The following RBM19 variants were observed in gnomAD, a reference collection of about 807,000 sequenced individuals.
The protein encoded by RBM19 is RNA binding motif protein 19, also known as probable RNA-binding protein 19.
In RBM19, 94 loss-of-function variants were observed where a neutral mutation model predicts 116.8. The ratio of observed to expected loss-of-function variants is 0.80; its 90% CI spans 0.68 to 0.95. The LOEUF (loss-of-function observed/expected upper bound fraction) is 0.95, where lower values mean the gene tolerates loss of function less well. RBM19 is among the 40% of genes least tolerant of loss of function. The pLI, the probability that RBM19 is intolerant of heterozygous loss-of-function variation, is 0.00. For missense variants in RBM19, 1,161 were observed against 1,220.7 expected (o/e 0.95, Z 0.73); for synonymous variants, 475 against 494.1 (o/e 0.96, Z 0.51).
At chr12:113,928,655 G>GTGTGTGTT (rs1869342538) in intron 16 of RBM19, among the ~76,000 whole-genome samples, 1 of 150,674 alleles carries the variant, frequency 6.6e-6, no homozygotes, top group Non-Finnish European at 1.5e-5. Flanking sequence ...GTGTGTGTGT[G>GTGTGTGTT]TGTGTGTCTG....
intron 3 of RBM19, 57 bp from the exon 4 acceptor site, chr12:113,959,960 A>G: frequency 6.2e-7 from 1 of 1,613,688 alleles, no homozygotes; most frequent in Non-Finnish European, 8.5e-7. Context: ...GCTGGGAAAC[A>G]GAACTGCACT....
At chr12:113,906,657 G>A (rs543472849) in intron 21 of RBM19, among the ~76,000 whole-genome samples, 2 of 151,980 alleles carry the variant, frequency 1.3e-5, no homozygotes, top group Admixed American at 6.6e-5. Context: ...GTCGGGGCTC[G>A]GCATTTACTG....
intron 21 of RBM19, among the ~76,000 whole-genome samples, chr12:113,882,511 C>G (rs779370606): frequency 1.1e-4 from 16 of 152,240 alleles, no homozygotes; most frequent in Non-Finnish European, 1.9e-4. Context: ...GAGCTCTAGG[C>G]TCATAGTAAA....
chr12:113,845,387 C>T (rs1022638075), intron 22 of RBM19, among the ~76,000 whole-genome samples: 3 of 152,130 alleles, frequency 2.0e-5, no homozygotes, highest in Non-Finnish European at 2.9e-5. Context: ...AGGCTGTTCC[C>T]GCTTACTCTT....
intron 5 of RBM19, among the ~76,000 whole-genome samples, 195 bp downstream of exon 5, chr12:113,959,017 T>C (rs551233968): frequency 6.6e-6 from 1 of 152,356 alleles, no homozygotes; most frequent in African/African-American, 2.4e-5. Flanking sequence ...CAAGAAATAT[T>C]TGTTGACTGA....
chr12:113,918,528 C>A, intron 19 of RBM19, 81 bp from the exon 20 acceptor site: 2 of 1,455,130 alleles, frequency 1.4e-6, no homozygotes, highest in Non-Finnish European at 1.9e-6. Flanking sequence ...AGAGCAGAGC[C>A]CTGGCTCGCA....
At chr12:113,958,135 T>C in intron 5 of RBM19, 85 bp from the exon 6 acceptor site, 2 of 1,522,780 alleles carry the variant, frequency 1.3e-6, no homozygotes, top group South Asian at 2.6e-5. Context: ...GTCCTCCTAG[T>C]GAGAGGCCTG....
chr12:113,871,935 C>T (rs1376745037), intron 21 of RBM19, among the ~76,000 whole-genome samples: 1 of 151,854 alleles, frequency 6.6e-6, no homozygotes, highest in Non-Finnish European at 1.5e-5. Context: ...GCAGCCTCTG[C>T]CCGGCTGCCA....
rs1874554023 is a variant in RBM19, at chr12:113,823,133, G to A, written c.*91C>T. 8 of 737,536 alleles carry A rather than the reference G, an allele frequency of 1.1e-5. No homozygotes were observed. Among genetic ancestry groups the A allele is most frequent in the Non-Finnish European group, 1.1e-5 (5 of 467,724 alleles). 45.7% of individuals were successfully genotyped at this position (737,536 alleles called of 1,614,324 possible). A position where few individuals can be genotyped will look rare whatever the true frequency, so the allele number is the denominator to read the frequency against. On this transcript the variant is annotated 3_prime_UTR_variant, in exon 24 of 24. Coordinates refer to ENST00000261741, the MANE Select transcript of RBM19 (RefSeq NM_016196.4). ...GGGGCCGCCTGCCGCTCCCCGCCCC[G>A]CCCCCCAGCCCACATGGTGGTGAGT...
chr12:113,956,278 C>T (rs1871931478), intron 6 of RBM19, among the ~76,000 whole-genome samples: 1 of 152,088 alleles, frequency 6.6e-6, no homozygotes, highest in African/African-American at 2.4e-5. Flanking sequence ...GCTTTCATCT[C>T]ATTTGAAAAT....
intron 13 of RBM19, among the ~76,000 whole-genome samples, chr12:113,945,610 C>T (rs1870940224): frequency 6.6e-6 from 1 of 152,232 alleles, no homozygotes; most frequent in South Asian, 2.1e-4. Flanking sequence ...GGTGGCTCCA[C>T]ATAAGGGCAT....
At position 113,947,336 on chromosome 12, in the gene RBM19, G is replaced by A. The variant is rs1871112446; in HGVS notation, c.1405C>T (p.Gln469Ter). Residue 469 changes from glutamine to a stop codon, truncating the protein, a stop_gained and splice_region_variant, in exon 11 of 24, where the codon CAG becomes TAG. Coordinates refer to ENST00000261741, the MANE Select transcript of RBM19 (RefSeq NM_016196.4). LOFTEE classifies it high-confidence loss of function. ...AYSEVDGQVF[Q>*]GRMLHVLPST... ...GCCAGCCCAGGACGGGGCCTCACCT[G>A]GAATACCTGCCCGTCCACCTCCGAG... The A allele has an allele frequency of 6.3e-7, 1 of 1,593,352 alleles. No individual in the cohort carries two copies. Among genetic ancestry groups the A allele is most frequent in the Non-Finnish European group, 8.6e-7 (1 of 1,163,506 alleles).
At chr12:113,901,897 C>T (rs768569842) in intron 21 of RBM19, among the ~76,000 whole-genome samples, 14 of 150,602 alleles carry the variant, frequency 9.3e-5, no homozygotes, top group Admixed American at 3.3e-4. Context: ...CAACTCATTA[C>T]TGCAGGAAAT....
At chr12:113,951,721 G>A (rs900432034) in intron 8 of RBM19, among the ~76,000 whole-genome samples, 6 of 152,190 alleles carry the variant, frequency 3.9e-5, no homozygotes, top group African/African-American at 1.4e-4. Flanking sequence ...TGGGACTTCC[G>A]TGATAAGAGG....
chr12:113,868,935 CCTTT>C (rs1351018128), intron 21 of RBM19, among the ~76,000 whole-genome samples: 1 of 152,182 alleles, frequency 6.6e-6, no homozygotes, highest in Non-Finnish European at 1.5e-5. Context: ...CCTGCCACCA[CCTTT>C]CTGAGGCTCA....
intron 21 of RBM19, among the ~76,000 whole-genome samples, chr12:113,900,070 T>G (rs148733147): frequency 6.6e-6 from 1 of 152,314 alleles, no homozygotes; most frequent in African/African-American, 2.4e-5. Context: ...TTCCACTGTC[T>G]GAGCTTTTGT....
intron 14 of RBM19, among the ~76,000 whole-genome samples, chr12:113,940,615 T>A (rs1870491703): frequency 6.6e-6 from 1 of 152,210 alleles, no homozygotes; most frequent in Non-Finnish European, 1.5e-5. Context: ...TTGGGTGGGA[T>A]GAGACTGAGG....
intron 23 of RBM19, among the ~76,000 whole-genome samples, chr12:113,843,452 T>C (rs1358788392): frequency 6.6e-6 from 1 of 152,138 alleles, no homozygotes; most frequent in Non-Finnish European, 1.5e-5. Context: ...CAGAGCACCA[T>C]GGGTGGCACC....
chr12:113,845,417 A>G (rs1876879161), intron 22 of RBM19, among the ~76,000 whole-genome samples: 1 of 152,008 alleles, frequency 6.6e-6, no homozygotes, highest in African/African-American at 2.4e-5. Flanking sequence ...CGACTCCCAC[A>G]TGCTGCCTGG....
Sources: allele counts gnomAD v4.1 joint callset (sites outside exome capture counted in the v4.1 genomes callset), GRCh38; gene constraint gnomAD v4.1.1; transcripts MANE v1.5; gene names NCBI Gene and HGNC (gene_info 2026-07-23, HGNC 2026-07-21).